GPCPD1: variants seen among roughly 807,000 people sequenced by gnomAD.
The protein encoded by GPCPD1 is glycerophosphocholine phosphodiesterase 1, also known as glycerophosphocholine phosphodiesterase GPCPD1.
GPCPD1 carries 29 observed loss-of-function variants against 89.2 expected under a neutral mutation model. The ratio of observed to expected loss-of-function variants is 0.33; its 90% confidence interval spans 0.24 to 0.44. The LOEUF (loss-of-function observed/expected upper bound fraction) is 0.44, where lower values mean the gene tolerates loss of function less well. GPCPD1 is among the 20% of genes least tolerant of loss of function. The probability of loss-of-function intolerance (pLI) is 1.00; values close to 1 mark genes in which losing one functional copy is unlikely to be tolerated. For missense variants in GPCPD1, 594 were observed against 808.9 expected (o/e 0.73, Z 3.22); for synonymous variants, 258 against 266.3 (o/e 0.97, Z 0.30).
chr20:5,607,173 G>T (rs1568684355), intron 1 of GPCPD1, among the ~76,000 whole-genome samples: 1 of 152,180 alleles, frequency 6.6e-6, no homozygotes, highest in Non-Finnish European at 1.5e-5. Context: ...GGTAATCCCA[G>T]CTACCCAGGA....
At chr20:5,567,366 G>A in intron 13 of GPCPD1, 117 bp downstream of exon 13, 1 of 1,235,070 alleles carries the variant, frequency 8.1e-7, no homozygotes, top group Non-Finnish European at 1.1e-6. Context: ...AAAGCACATA[G>A]TCTACACATT....
intron 17 of GPCPD1, among the ~76,000 whole-genome samples, chr20:5,559,500 G>A (rs1985968068): frequency 6.6e-6 from 1 of 152,210 alleles, no homozygotes; most frequent in Admixed American, 6.5e-5. Context: ...CAGGAGGACT[G>A]CTTGTGCCCG....
chr20:5,595,092 T>C (rs146634280), intron 3 of GPCPD1, among the ~76,000 whole-genome samples: 116 of 152,328 alleles, frequency 7.6e-4, no homozygotes, highest in African/African-American at 2.7e-3. Flanking sequence ...GCCATCAACA[T>C]TGAGACAAAA....
chr20:5,570,048 A>T (rs768789640), intron 12 of GPCPD1, 99 bp downstream of exon 12: 10 of 566,018 alleles, frequency 1.8e-5, no homozygotes, highest in Admixed American at 1.3e-4. Context: ...TGAATTAACC[A>T]ATTCTATTTA....
At chr20:5,585,439 A>G (rs1488673409) in intron 5 of GPCPD1, 1 of 152,096 alleles carries the variant, frequency 6.6e-6, no homozygotes, top group Admixed American at 6.5e-5. Context: ...TAAAAGATAC[A>G]TTTCTCAGCA....
chr20:5,581,332 G>C (rs1212311548), intron 6 of GPCPD1, among the ~76,000 whole-genome samples: 1 of 152,130 alleles, frequency 6.6e-6, no homozygotes, highest in African/African-American at 2.4e-5. Context: ...TAGCTATACT[G>C]TCACAACACA....
rs1410066959 is a variant in GPCPD1 at position 5,567,553 on chromosome 20, T to C, written c.1157A>G (p.Asp386Gly). 1 of 1,371,686 alleles carries C rather than the reference T, an allele frequency of 7.3e-7. No individual in the cohort carries two copies. Among genetic ancestry groups the C allele is most frequent in the Non-Finnish European group, 9.5e-7 (1 of 1,051,098 alleles). The allele number at this position is 1,371,686 out of a possible 1,614,324, so 85.0% of individuals were successfully genotyped here. The change falls in exon 13 of 20, where the codon GAT becomes GGT. Residue 386 changes from aspartate to glycine, a missense_variant. By Grantham distance (94) the Asp-to-Gly change is moderately conservative. Transcript: ENST00000379019. ...TTCAAATAATTCAACTGGATCAGCATCAAATTTCTAAAAAAAAAAAAAAAA... is the reference window on the plus strand; with the variant it reads ...TTCAAATAATTCAACTGGATCAGCACCAAATTTCTAAAAAAAAAAAAAAAA... ...TCCLTMKKKF[D>G]ADPVELFEIP...
At position 5,566,761 on chromosome 20, in the gene GPCPD1, C is replaced by T. The variant is rs751450836; in HGVS notation, c.1239G>A (p.Val413=). The change falls in exon 14 of 20, where the codon GTG becomes GTA. Residue 413 remains valine (V), a synonymous_variant. Coordinates refer to ENST00000379019, the MANE Select transcript of GPCPD1 (RefSeq NM_019593.5). ...TCCGATCCTTAGATTTCAGTGCAGT[C>T]ACATGAGTGAGCTAGAAAGCACACA... The part of the protein sequence containing the change: ...DQLQLLKLTH[V]TALKSKDRKE... 3.2e-6 allele frequency: 5 copies of T among 1,587,156 alleles called. No individual in the cohort carries two copies. Among genetic ancestry groups the T allele is most frequent in the Non-Finnish European group, 4.3e-6 (5 of 1,155,672 alleles).
intron 8 of GPCPD1, among the ~76,000 whole-genome samples, chr20:5,578,032 G>A (rs189438521): frequency 6.6e-6 from 1 of 152,258 alleles, no homozygotes; most frequent in Admixed American, 6.5e-5. Context: ...ACTCAATCAC[G>A]CTTGTTACAT....
chr20:5,578,647 G>T, intron 7 of GPCPD1, 36 bp from the exon 8 acceptor site: 1 of 1,308,540 alleles, frequency 7.6e-7, no homozygotes, highest in South Asian at 1.2e-5. Context: ...TGCAAGAAGT[G>T]GCAGAAAAGA....
chr20:5,550,502 G>T (rs1348534518), intron 19 of GPCPD1, among the ~76,000 whole-genome samples: 1 of 152,132 alleles, frequency 6.6e-6, no homozygotes, highest in Non-Finnish European at 1.5e-5. Flanking sequence ...AGTGGGCAAA[G>T]CCAGACCCAC....
Position 5,604,805 on chromosome 20 carries a change from A to ACACACACG in GPCPD1, c.-28-366_-28-365insCGTGTGTG, listed in dbSNP as rs1195396382. Among the ~76,000 whole-genome samples, 11 of 148,966 alleles carry ACACACACG rather than the reference A, an allele frequency of 7.4e-5. 1 individual carries two copies. Among genetic ancestry groups the ACACACACG allele is most frequent in the Non-Finnish European group, 1.2e-4 (8 of 67,616 alleles). On this transcript the variant is annotated intron_variant, in intron 1 of 19. Transcript: ENST00000379019. ...CACACACACACACACACACACACACACGCCAGGCATGGGGAGCATGCCTGT... is the reference window on the plus strand; with the variant it reads ...CACACACACACACACACACACACACACACACACGCGCCAGGCATGGGGAGCATGCCTGT...
chr20:5,602,181 C>T (rs1980207155), intron 2 of GPCPD1, among the ~76,000 whole-genome samples: 1 of 152,178 alleles, frequency 6.6e-6, no homozygotes, highest in African/African-American at 2.4e-5. Context: ...CCTTGCTGTC[C>T]CTCAGCCTCC....
At chr20:5,549,164 T>C (rs1269419162) in intron 19 of GPCPD1, 1 of 657,366 alleles carries the variant, frequency 1.5e-6, no homozygotes. Context: ...GGGAGGATGA[T>C]GGCTAATTTA....
chr20:5,549,347 G>A lies in GPCPD1; in HGVS notation c.1830-1497C>T. The stretch of plus-strand genomic sequence containing the variant: ...ATGGACTACTGAATGTGAAAACAGA[G>A]AAGCTGTTACACATATAGAGAGGGT... On this transcript the variant is annotated intron_variant, in intron 19 of 19. Coordinates refer to ENST00000379019, the MANE Select transcript of GPCPD1 (RefSeq NM_019593.5). 7 of 1,146,344 alleles carry A rather than the reference G, an allele frequency of 6.1e-6. No individual in the cohort carries two copies. The South Asian group carries it at 7.3e-5, about 12-fold the overall frequency. 71.0% of individuals were successfully genotyped at this position (1,146,344 alleles called of 1,614,324 possible). A position where few individuals can be genotyped will look rare whatever the true frequency, so the allele number is the denominator to read the frequency against.
intron 6 of GPCPD1, among the ~76,000 whole-genome samples, chr20:5,582,916 G>C (rs561682351): frequency 1.3e-5 from 2 of 151,122 alleles, no homozygotes; most frequent in South Asian, 4.2e-4. Flanking sequence ...AAAGAATGCA[G>C]TTTAGTATAA....
chr20:5,572,814 A>T, intron 11 of GPCPD1, among the ~76,000 whole-genome samples: 1 of 98,156 alleles, frequency 1.0e-5, no homozygotes, highest in South Asian at 2.7e-4. Flanking sequence ...TTAAAAAAAA[A>T]AATAAGGAGT....
Position 5,606,095 on chromosome 20 carries a change from A to G in GPCPD1, c.-28-1655T>C, listed in dbSNP as rs762512743. On this transcript the variant is annotated intron_variant, in intron 1 of 19. Coordinates refer to ENST00000379019, the MANE Select transcript of GPCPD1 (RefSeq NM_019593.5). ...CACATTTTGTCTAGCTAATTTTTTC[A>G]TTTCTTCCCTGTCAGTCAAAGGAAT... Among the ~76,000 whole-genome samples, 82 of 152,248 alleles carry G rather than the reference A, an allele frequency of 5.4e-4. 2 individuals are homozygous for G. Among genetic ancestry groups the G allele is most frequent in the Admixed American group, 2.6e-4 (4 of 15,288 alleles).
At chr20:5,567,665 C>T in intron 12 of GPCPD1, 105 bp from the exon 13 acceptor site, 2 of 1,031,442 alleles carry the variant, frequency 1.9e-6, no homozygotes, top group East Asian at 2.7e-5. Flanking sequence ...ACAGGCCTAG[C>T]AACTCTATTT....
Sources: allele counts gnomAD v4.1 joint callset (sites outside exome capture counted in the v4.1 genomes callset), GRCh38; gene constraint gnomAD v4.1.1; transcripts MANE v1.5; gene names NCBI Gene and HGNC (gene_info 2026-07-23, HGNC 2026-07-21).